Variants in TNN observed in about 807,000 individuals in gnomAD.
TNN encodes tenascin-N.
Under a neutral mutation model 134.4 loss-of-function variants are expected in TNN, and 122 were observed. The observed-to-expected ratio is 0.91, with a 90% CI of 0.78 to 1.06. The LOEUF (loss-of-function observed/expected upper bound fraction) is 1.06, where lower values mean the gene tolerates loss of function less well. Ranked by LOEUF, TNN falls within the 50% of genes least tolerant of loss-of-function variation. TNN has a pLI of 0.00. For missense variants in TNN, 1,739 were observed against 1,699.4 expected (o/e 1.02, Z -0.41); for synonymous variants, 710 against 670.3 (o/e 1.06, Z -0.91).
intron 6 of TNN, among the ~76,000 whole-genome samples, chr1:175,093,365 T>G (rs1674496689): frequency 6.6e-6 from 1 of 152,242 alleles, no homozygotes; most frequent in Non-Finnish European, 1.5e-5. Flanking sequence ...TCTGGGTTAG[T>G]TCTTTTTGAA....
intron 11 of TNN, among the ~76,000 whole-genome samples, chr1:175,120,748 G>A (rs1675329694): frequency 6.6e-6 from 1 of 152,212 alleles, no homozygotes; most frequent in Admixed American, 6.5e-5. Flanking sequence ...TGGTTATGCT[G>A]TCCTGACCAA....
chr1:175,112,454 G>C (rs1675052782), intron 9 of TNN, among the ~76,000 whole-genome samples: 1 of 151,550 alleles, frequency 6.6e-6, no homozygotes, highest in Non-Finnish European at 1.5e-5. Flanking sequence ...AGCTACTCCT[G>C]TTTGCTTTTG....
Position 175,083,765 on chromosome 1 carries a change from G to A in TNN, c.1064G>A (p.Gly355Asp), listed in dbSNP as rs370497014. Residue 355 changes from glycine (G) to aspartate (D), a missense_variant, in exon 5 of 19, where the codon GGC becomes GAC. Coordinates refer to ENST00000239462, the MANE Select transcript of TNN (RefSeq NM_022093.2). Reference protein sequence around the residue: ...LLATTDLAVLGTAWVTDETEN... With the variant: ...LLATTDLAVLDTAWVTDETEN... ...CCTGCCCTAGACCTTGCTGTGCTTG[G>A]CACTGCCTGGGTGACAGATGAGACT... The A allele has an allele frequency of 1.2e-6, 2 of 1,613,948 alleles. No homozygotes were observed. The highest frequency in any genetic ancestry group is 1.3e-5 in the African/African-American group (1 of 74,912).
At chr1:175,087,349 A>C (rs1674341834) in intron 6 of TNN, among the ~76,000 whole-genome samples, 1 of 152,214 alleles carries the variant, frequency 6.6e-6, no homozygotes, top group Non-Finnish European at 1.5e-5. Flanking sequence ...CGTGTTGAGT[A>C]CATTTGCACT....
chr1:175,093,940 A>G, intron 6 of TNN, 50 bp from the exon 7 acceptor site: 5 of 1,559,064 alleles, frequency 3.2e-6, no homozygotes, highest in East Asian at 2.3e-5. Context: ...TATGATCTTG[A>G]CTAACCAACT....
chr1:175,125,717 CT>C (rs1558369366), intron 12 of TNN, among the ~76,000 whole-genome samples: 5 of 77,076 alleles, frequency 6.5e-5, no homozygotes, highest in Admixed American at 1.5e-4. Flanking sequence ...TTCTTTCTTT[CT>C]TTCTTTCTTT....
intron 6 of TNN, among the ~76,000 whole-genome samples, chr1:175,091,833 A>G (rs1674456527): frequency 6.6e-6 from 1 of 152,028 alleles, no homozygotes; most frequent in Admixed American, 6.6e-5. Flanking sequence ...CAAGTGATCC[A>G]CCCAGCTTCA....
At chr1:175,073,230 G>A (rs896865809) in intron 1 of TNN, among the ~76,000 whole-genome samples, 1 of 152,142 alleles carries the variant, frequency 6.6e-6, no homozygotes, top group East Asian at 1.9e-4. Flanking sequence ...ATCTGTGGCC[G>A]TGTGCTCATC....
chr1:175,140,983 C>G (rs1017445590), intron 17 of TNN, among the ~76,000 whole-genome samples: 2 of 152,194 alleles, frequency 1.3e-5, no homozygotes, highest in Non-Finnish European at 2.9e-5. Flanking sequence ...CAGCTCTCCC[C>G]AGCCTCTATC....
rs781140884 is a variant in TNN at position 175,077,745 on chromosome 1, G to A, written c.327G>A (p.Leu109=). The A allele has an allele frequency of 7.4e-6, 12 of 1,614,214 alleles. No homozygotes were observed. The highest frequency in any genetic ancestry group is 1.0e-5 in the Non-Finnish European group (12 of 1,180,024). The change falls in exon 2 of 19, where the codon CTG becomes CTA. Residue 109 remains leucine, a synonymous_variant. Coordinates refer to ENST00000239462, the MANE Select transcript of TNN (RefSeq NM_022093.2). The stretch of plus-strand genomic sequence containing the variant: ...TGGCAGGCAGTGTCCAGGACCTCCT[G>A]GCCCGGGTGAAGAAGCTGGAGGAAG... ...CELAGSVQDL[L]ARVKKLEEEM...
intron 1 of TNN, among the ~76,000 whole-genome samples, chr1:175,071,776 A>G (rs1039602369): frequency 6.6e-5 from 10 of 152,312 alleles, no homozygotes; most frequent in Middle Eastern, 3.4e-3. Flanking sequence ...AATGATATCA[A>G]CTGACTCCCA....
At chr1:175,114,708 G>A (rs1675117133) in intron 9 of TNN, among the ~76,000 whole-genome samples, 1 of 150,606 alleles carries the variant, frequency 6.6e-6, no homozygotes, top group African/African-American at 2.5e-5. Context: ...CCCCTGATGG[G>A]CAGGGTGCAG....
At chr1:175,087,294 T>G (rs1414918274) in intron 6 of TNN, among the ~76,000 whole-genome samples, 3 of 152,188 alleles carry the variant, frequency 2.0e-5, no homozygotes, top group Non-Finnish European at 4.4e-5. Context: ...AGGGTATAAT[T>G]CCCATGTTGG....
intron 15 of TNN, among the ~76,000 whole-genome samples, chr1:175,130,616 G>T (rs2101846622): frequency 6.6e-6 from 1 of 151,466 alleles, no homozygotes; most frequent in Non-Finnish European, 1.5e-5. Context: ...CACACAGAAG[G>T]AGTTATCTGG....
At position 175,117,185 on chromosome 1, in the gene TNN, C is replaced by A. The variant is rs1170598270; in HGVS notation, c.2366C>A (p.Ala789Asp). The A allele has an allele frequency of 6.2e-7, 1 of 1,614,116 alleles. No homozygotes were observed. Among genetic ancestry groups the A allele is most frequent in the African/African-American group, 1.3e-5 (1 of 74,932 alleles). ...AQKGAQESKK[A>D]DTKAQTDIDS... ...AAGGGGGCCCAGGAGAGCAAGAAGG[C>A]TGACACCAAGGCCCAGACAGGTAAG... The change falls in exon 10 of 19, where the codon GCT becomes GAT. Residue 789 changes from alanine (A) to aspartate (D), a missense_variant. By Grantham distance (126) the Ala-to-Asp change is moderately radical (BLOSUM62 -2). Coordinates refer to ENST00000239462, the MANE Select transcript of TNN (RefSeq NM_022093.2).
Position 175,094,212 on chromosome 1 carries a change from G to T in TNN, c.1547G>T (p.Gly516Val). ...AAGGTCTACGTGTGGGCTGAAAGGG[G>T]CAACCAGGGGAGCAAGAAAGCTGAC... ...AYKVYVWAERGNQGSKKADTN... is the reference protein window; with the variant it reads ...AYKVYVWAERVNQGSKKADTN... Residue 516 changes from glycine to valine, a missense_variant, in exon 7 of 19, where the codon GGC (glycine) becomes GTC (valine). By Grantham distance (109) the Gly-to-Val change is moderately radical. Coordinates refer to ENST00000239462, the MANE Select transcript of TNN (RefSeq NM_022093.2). 2 of 1,611,590 alleles carry T rather than the reference G, an allele frequency of 1.2e-6. No homozygotes were observed.
chr1:175,098,900 A>C (rs1396038635), intron 9 of TNN, among the ~76,000 whole-genome samples: 2 of 152,128 alleles, frequency 1.3e-5, no homozygotes, highest in African/African-American at 2.4e-5. Flanking sequence ...AAATATTAAG[A>C]AGTAACTATC....
Position 175,128,016 on chromosome 1 carries a change from C to T in TNN, c.3046-16C>T, listed in dbSNP as rs1360007716. 6 of 1,613,964 alleles carry T rather than the reference C, an allele frequency of 3.7e-6. No homozygotes were observed. The South Asian group carries it at 5.5e-5, about 15-fold the overall frequency. On this transcript the variant is annotated splice_polypyrimidine_tract_variant and intron_variant, in intron 13 of 18. Coordinates refer to ENST00000239462, the MANE Select transcript of TNN (RefSeq NM_022093.2). ...AACTGAGTCACTGGCTGTCTAATCT[C>T]TCCCTTGTTTGGTAGGAGATGCAGC...
At chr1:175,086,815 T>C (rs1894688) in intron 6 of TNN, among the ~76,000 whole-genome samples, 82,978 of 152,070 alleles carry the variant, frequency 0.55, 23,187 homozygotes, top group African/African-American at 0.68. Flanking sequence ...ACTGTTTTAA[T>C]GGGTTAGAAA....
Sources: allele counts gnomAD v4.1 joint callset (sites outside exome capture counted in the v4.1 genomes callset), GRCh38; gene constraint gnomAD v4.1.1; transcripts MANE v1.5; gene names NCBI Gene and HGNC (gene_info 2026-07-23, HGNC 2026-07-21).